Variants in PDE1C observed in about 807,000 individuals in gnomAD.
PDE1C encodes the protein dual specificity calcium/calmodulin-dependent 3',5'-cyclic nucleotide phosphodiesterase 1C.
In PDE1C, 62 loss-of-function variants were observed where a neutral mutation model predicts 93.1. The ratio of observed to expected loss-of-function variants is 0.67; its 90% CI spans 0.54 to 0.82. The LOEUF (loss-of-function observed/expected upper bound fraction) is 0.82, where lower values mean the gene tolerates loss of function less well. PDE1C is among the 40% of genes least tolerant of loss of function. PDE1C has a pLI of 0.00. For missense variants in PDE1C, 742 were observed against 884.6 expected (o/e 0.84, Z 2.04); for synonymous variants, 325 against 310.1 (o/e 1.05, Z -0.50).
chr7:31,775,030 C>T lies in PDE1C; in HGVS notation c.1960+634G>A, dbSNP rs563418974. Among the ~76,000 whole-genome samples the T allele has an allele frequency of 2.6e-4, 40 of 152,236 alleles. 1 individual carries two copies. The South Asian group carries it at 7.9e-3, about 30-fold the overall frequency. ...GAGAATGTAAGCACATGCATGGAGA[C>T]AGAATGATCAATAAGTGCCCCTTAT... On this transcript the variant is annotated intron_variant, in intron 17 of 17. Coordinates refer to ENST00000396191, the MANE Select transcript of PDE1C (RefSeq NM_001191057.4).
At chr7:32,382,580 C>T (rs577234161) in intron 1 of PDE1C, among the ~76,000 whole-genome samples, 3 of 152,234 alleles carry the variant, frequency 2.0e-5, no homozygotes, top group South Asian at 2.1e-4. Flanking sequence ...CCTTGGAACA[C>T]GGCTGGCAGC....
intron 2 of PDE1C, among the ~76,000 whole-genome samples, chr7:31,964,266 C>T (rs566679900): frequency 1.2e-4 from 18 of 152,314 alleles, no homozygotes; most frequent in Admixed American, 4.6e-4. Flanking sequence ...CCTAATACTG[C>T]GCTTTTCCAA....
rs1405915241 is a variant in PDE1C at position 32,392,930 on chromosome 7, T to C, written c.310+34892A>G. Among the ~76,000 whole-genome samples, 5 of 150,388 alleles carry C rather than the reference T, an allele frequency of 3.3e-5. No homozygotes were observed. In the East Asian group the frequency reaches 9.9e-4, roughly 30 times the overall value. ...CAGGCATGGTGGTGCACACCTGTAA[T>C]CCCAGCTACTCTGGAGGCTGAGACA... On this transcript the variant is annotated intron_variant, in intron 1 of 1. Coordinates refer to the PDE1C transcript ENST00000672256.
intron 2 of PDE1C, among the ~76,000 whole-genome samples, chr7:32,182,417 C>T (rs550251282): frequency 3.9e-5 from 6 of 152,086 alleles, no homozygotes; most frequent in East Asian, 1.9e-4. Flanking sequence ...ACTGGCAAAC[C>T]GAATCCAGCA....
chr7:32,392,004 A>G (rs1217613917), intron 1 of PDE1C, among the ~76,000 whole-genome samples: 1 of 152,056 alleles, frequency 6.6e-6, no homozygotes, highest in Admixed American at 6.6e-5. Flanking sequence ...GAAATAGAAG[A>G]TAGAAAAGCA....
At chr7:31,928,173 C>G (rs1201224668) in intron 2 of PDE1C, among the ~76,000 whole-genome samples, 1 of 151,354 alleles carries the variant, frequency 6.6e-6, no homozygotes. Flanking sequence ...ATTGATCAAG[C>G]GGAAGAAAGG....
At chr7:32,140,576 C>T (rs1326077218) in intron 3 of PDE1C, among the ~76,000 whole-genome samples, 1 of 152,234 alleles carries the variant, frequency 6.6e-6, no homozygotes, top group African/African-American at 2.4e-5. Flanking sequence ...CTTTTCCTGA[C>T]AGCTGAGAAA....
chr7:31,986,820 A>T (rs1452711740), intron 2 of PDE1C, among the ~76,000 whole-genome samples: 4 of 152,084 alleles, frequency 2.6e-5, no homozygotes, highest in Non-Finnish European at 5.9e-5. Context: ...GTTTTAAGCC[A>T]CCTGGTTTGT....
At chr7:32,297,909 T>C (rs187590278) in intron 1 of PDE1C, among the ~76,000 whole-genome samples, 1 of 152,118 alleles carries the variant, frequency 6.6e-6, no homozygotes, top group East Asian at 1.9e-4. Flanking sequence ...TCTCTCTTCA[T>C]GTGTCCCTTT....
chr7:32,161,333 T>C (rs574567780), intron 3 of PDE1C, among the ~76,000 whole-genome samples: 1 of 152,244 alleles, frequency 6.6e-6, no homozygotes, highest in Admixed American at 6.5e-5. Flanking sequence ...GCACAGAGCA[T>C]CCTTGACATT....
intron 2 of PDE1C, among the ~76,000 whole-genome samples, chr7:31,958,504 C>A (rs1808466699): frequency 6.6e-6 from 1 of 152,136 alleles, no homozygotes; most frequent in Non-Finnish European, 1.5e-5. Context: ...GAATATCCAG[C>A]CTTGATTTAT....
chr7:32,077,373 A>T (rs1281516312), intron 3 of PDE1C, among the ~76,000 whole-genome samples: 1 of 152,188 alleles, frequency 6.6e-6, no homozygotes, highest in Admixed American at 6.5e-5. Context: ...GAACACTATA[A>T]AGGGATCTAG....
At chr7:32,018,330 T>C (rs1788190361) in intron 2 of PDE1C, among the ~76,000 whole-genome samples, 1 of 151,854 alleles carries the variant, frequency 6.6e-6, no homozygotes, top group Non-Finnish European at 1.5e-5. Context: ...TCAAGAGAAA[T>C]GAAAACTAAA....
At chr7:32,155,248 C>G (rs1482521621) in intron 3 of PDE1C, among the ~76,000 whole-genome samples, 1 of 152,236 alleles carries the variant, frequency 6.6e-6, no homozygotes, top group Non-Finnish European at 1.5e-5. Context: ...GATCTACCAA[C>G]TGATAGTAGG....
intron 1 of PDE1C, among the ~76,000 whole-genome samples, chr7:32,284,237 C>T (rs1024948441): frequency 2.0e-5 from 3 of 152,142 alleles, no homozygotes; most frequent in African/African-American, 4.8e-5. Flanking sequence ...ATCCCAAGAC[C>T]CTATTCACAT....
chr7:31,865,165 T>C, intron 6 of PDE1C, 83 bp from the exon 7 acceptor site: 2 of 1,419,276 alleles, frequency 1.4e-6, no homozygotes, highest in South Asian at 1.2e-5. Context: ...CCAGGACTGC[T>C]TTTTCTCTGA....
In PDE1C at chr7:32,240,167, T is replaced by C. The variant is rs572471960; in HGVS notation, c.86-30628A>G. ...TTCTGAGAGTTACCTTTTATTCCTT[T>C]AACTGGGTGGAGGGTAGGTGTATGC... On this transcript the variant is annotated intron_variant, in intron 1 of 18. Coordinates refer to the PDE1C transcript ENST00000396193. Among the ~76,000 whole-genome samples the C allele has an allele frequency of 3.9e-5, 6 of 152,338 alleles. No homozygotes were observed. The East Asian group carries it at 9.6e-4, about 24-fold the overall frequency.
At chr7:32,348,234 G>C (rs1252544384) in intron 1 of PDE1C, among the ~76,000 whole-genome samples, 1 of 151,820 alleles carries the variant, frequency 6.6e-6, no homozygotes, top group Non-Finnish European at 1.5e-5. Context: ...AAGATAGAAA[G>C]GTATGTAAAG....
chr7:31,877,004 A>C (rs544922790), intron 5 of PDE1C, among the ~76,000 whole-genome samples: 93 of 152,222 alleles, frequency 6.1e-4, no homozygotes, highest in African/African-American at 2.0e-3. Context: ...AGCACTCCCC[A>C]CCCCCTAACT....
Sources: allele counts gnomAD v4.1 joint callset (sites outside exome capture counted in the v4.1 genomes callset), GRCh38; gene constraint gnomAD v4.1.1; transcripts MANE v1.5; gene names NCBI Gene and HGNC (gene_info 2026-07-23, HGNC 2026-07-21).